SRRM4: variants seen among roughly 807,000 people sequenced by gnomAD.
The protein encoded by SRRM4 is serine/arginine repetitive matrix protein 4.
A neutral mutation model predicts 68.9 loss-of-function variants in SRRM4; 33 were observed. That is an observed-to-expected ratio of 0.48 (90% CI 0.36 to 0.64). SRRM4 has a LOEUF of 0.64. Among genes scored for constraint, SRRM4 ranks in the 30% least tolerant of loss-of-function variants. The pLI, the probability that SRRM4 is intolerant of heterozygous loss-of-function variation, is 0.00. For synonymous variants in SRRM4, 318 were observed against 318.8 expected (o/e 1.00, Z 0.03); for missense variants, 817 against 827.1 (o/e 0.99, Z 0.15).
chr12:119,068,386 A>G (rs1420362074), intron 1 of SRRM4, among the ~76,000 whole-genome samples: 2 of 152,194 alleles, frequency 1.3e-5, no homozygotes, highest in East Asian at 3.9e-4. Flanking sequence ...CTGCAGGACA[A>G]AAAGGGAGCC....
At chr12:119,130,218 G>A (rs1219178481) in intron 7 of SRRM4, among the ~76,000 whole-genome samples, 1 of 141,802 alleles carries the variant, frequency 7.1e-6, no homozygotes, top group Non-Finnish European at 1.6e-5. Context: ...ACAGATAGAT[G>A]GATGGATGGA....
At chr12:119,045,180 G>T (rs1953697709) in intron 1 of SRRM4, among the ~76,000 whole-genome samples, 1 of 152,128 alleles carries the variant, frequency 6.6e-6, no homozygotes, top group Admixed American at 6.5e-5. Context: ...TGCAGTTAGT[G>T]CAAAGCTGGG....
chr12:119,107,850 C>T (rs992880299), intron 2 of SRRM4, among the ~76,000 whole-genome samples: 2 of 152,152 alleles, frequency 1.3e-5, no homozygotes, highest in Non-Finnish European at 2.9e-5. Context: ...TTCTTGCCTT[C>T]TGCTAGCTTT....
chr12:119,036,361 G>T (rs966851062), intron 1 of SRRM4, among the ~76,000 whole-genome samples: 5 of 152,150 alleles, frequency 3.3e-5, no homozygotes, highest in East Asian at 1.9e-4. Context: ...CTCAGCCAGG[G>T]TCTCTTCCAT....
At chr12:119,052,660 C>A (rs1461010491) in intron 1 of SRRM4, among the ~76,000 whole-genome samples, 1 of 152,188 alleles carries the variant, frequency 6.6e-6, no homozygotes, top group Admixed American at 6.5e-5. Flanking sequence ...TCCCGAGTAG[C>A]TGGGACTACA....
At chr12:119,120,022 A>G (rs986866689) in intron 4 of SRRM4, among the ~76,000 whole-genome samples, 2 of 151,884 alleles carry the variant, frequency 1.3e-5, no homozygotes, top group African/African-American at 4.8e-5. Context: ...GACCCCCTGT[A>G]GCGTGATCAC....
intron 1 of SRRM4, among the ~76,000 whole-genome samples, chr12:119,047,889 A>G (rs1313474987): frequency 6.6e-6 from 1 of 152,254 alleles, no homozygotes; most frequent in Non-Finnish European, 1.5e-5. Context: ...GCAAAGTCAT[A>G]TGACAAAGGG....
intron 7 of SRRM4, among the ~76,000 whole-genome samples, chr12:119,129,859 GGTTA>G (rs1954282813): frequency 6.6e-6 from 1 of 151,530 alleles, no homozygotes. Context: ...ATGGATGAAT[GGTTA>G]GTTGGACAAA....
At chr12:119,077,641 G>A (rs1240558891) in intron 1 of SRRM4, among the ~76,000 whole-genome samples, 4 of 151,988 alleles carry the variant, frequency 2.6e-5, no homozygotes, top group Non-Finnish European at 4.4e-5. Flanking sequence ...TTCTGGTTCC[G>A]CATCTGCAAC....
At chr12:119,001,801 G>A (rs901010825) in intron 1 of SRRM4, 1 of 152,040 alleles carries the variant, frequency 6.6e-6, no homozygotes, top group African/African-American at 2.4e-5. Context: ...TGGGCAACAT[G>A]AGGAAACCTT....
chr12:119,135,748 C>G (rs2083837563), intron 8 of SRRM4, among the ~76,000 whole-genome samples: 2 of 152,050 alleles, frequency 1.3e-5, no homozygotes, highest in African/African-American at 4.8e-5. Flanking sequence ...ATAAGGAAAC[C>G]CAGCCAAGAA....
At chr12:119,138,880 G>A (rs1954347182) in intron 8 of SRRM4, among the ~76,000 whole-genome samples, 1 of 152,144 alleles carries the variant, frequency 6.6e-6, no homozygotes, top group Non-Finnish European at 1.5e-5. Flanking sequence ...GAGGGTGAGG[G>A]CTGAGATGGA....
intron 1 of SRRM4, among the ~76,000 whole-genome samples, chr12:119,011,025 T>G (rs1953445709): frequency 6.6e-6 from 1 of 152,164 alleles, no homozygotes; most frequent in South Asian, 2.1e-4. Flanking sequence ...TAAATATATA[T>G]GTGTAGAAAA....
chr12:119,025,704 A>G (rs998020833), intron 1 of SRRM4, among the ~76,000 whole-genome samples: 1 of 151,984 alleles, frequency 6.6e-6, no homozygotes, highest in Non-Finnish European at 1.5e-5. Context: ...TTGGCCTCCC[A>G]AAGTGCTGGG....
intron 1 of SRRM4, among the ~76,000 whole-genome samples, chr12:119,098,982 C>T (rs73213713): frequency 0.038 from 5,795 of 152,172 alleles, 126 homozygotes; most frequent in African/African-American, 0.051. Flanking sequence ...CTAGAGTGAT[C>T]GTTCTCAAAG....
In SRRM4 at chr12:119,154,187, C is replaced by A; in HGVS notation, c.1392-56C>A. The stretch of plus-strand genomic sequence containing the variant: ...AGGGAGTGTCCCTCTCCCACGCGCT[C>A]ACGCAGAAAATCCAGCCCAGCCCCA... On this transcript the variant is annotated intron_variant, in intron 11 of 12. Transcript: ENST00000267260. The surrounding 1 kb of genome is among the most constrained non-coding windows in gnomAD (Gnocchi z 4.7). 1 of 1,513,382 alleles carries A rather than the reference C, an allele frequency of 6.6e-7. No homozygotes were observed. Among genetic ancestry groups the A allele is most frequent in the South Asian group, 1.2e-5 (1 of 83,374 alleles). 93.7% of individuals were successfully genotyped at this position (1,513,382 alleles called of 1,614,324 possible). A position where few individuals can be genotyped will look rare whatever the true frequency, so the allele number is the denominator to read the frequency against.
intron 1 of SRRM4, among the ~76,000 whole-genome samples, chr12:119,069,873 A>T (rs1953867106): frequency 6.6e-6 from 1 of 152,176 alleles, no homozygotes. Context: ...GGAGGATAAC[A>T]GAAGAAACTA....
intron 1 of SRRM4, among the ~76,000 whole-genome samples, chr12:119,030,561 T>A (rs1953582571): frequency 6.6e-6 from 1 of 152,234 alleles, no homozygotes; most frequent in Admixed American, 6.5e-5. Flanking sequence ...CCCCAAATTC[T>A]AAAATTTGAA....
At chr12:119,140,111 C>A (rs961709452) in intron 8 of SRRM4, among the ~76,000 whole-genome samples, 6 of 152,138 alleles carry the variant, frequency 3.9e-5, no homozygotes, top group African/African-American at 1.4e-4. Flanking sequence ...CAGTGGCTCA[C>A]GCCTGTAATC....
Sources: allele counts gnomAD v4.1 joint callset (sites outside exome capture counted in the v4.1 genomes callset), GRCh38; gene constraint gnomAD v4.1.1; non-coding constraint Gnocchi (gnomAD v3.1); transcripts MANE v1.5; gene names NCBI Gene and HGNC (gene_info 2026-07-23, HGNC 2026-07-21).